RPAP2: variants seen among roughly 807,000 people sequenced by gnomAD.
The protein encoded by RPAP2 is putative RNA polymerase II subunit B1 CTD phosphatase RPAP2.
In RPAP2, 52 loss-of-function variants were observed where a neutral mutation model predicts 73.1. The observed-to-expected ratio is 0.71, with a 90% CI of 0.57 to 0.90. The LOEUF (loss-of-function observed/expected upper bound fraction) is 0.90, where lower values mean the gene tolerates loss of function less well. Ranked by LOEUF, RPAP2 falls within the 40% of genes least tolerant of loss-of-function variation. The pLI, the probability that RPAP2 is intolerant of heterozygous loss-of-function variation, is 0.00. For synonymous variants in RPAP2, 225 were observed against 242.1 expected (o/e 0.93, Z 0.65); for missense variants, 598 against 701.8 (o/e 0.85, Z 1.67).
chr1:92,386,376 G>A (rs965472767), intron 12 of RPAP2, among the ~76,000 whole-genome samples: 4 of 152,176 alleles, frequency 2.6e-5, no homozygotes, highest in African/African-American at 7.2e-5. Flanking sequence ...TGAGAGTCTT[G>A]AACTTCATCC....
At chr1:92,353,007 T>G (rs1654291785) in intron 11 of RPAP2, among the ~76,000 whole-genome samples, 1 of 152,264 alleles carries the variant, frequency 6.6e-6, no homozygotes, top group East Asian at 1.9e-4. Flanking sequence ...TCATCCATTT[T>G]GTAGCATGTA....
At chr1:92,306,101 A>G (rs1651213428) in intron 5 of RPAP2, among the ~76,000 whole-genome samples, 1 of 152,236 alleles carries the variant, frequency 6.6e-6, no homozygotes, top group Non-Finnish European at 1.5e-5. Flanking sequence ...TGAAGATAAT[A>G]TGCTAAGTGA....
At chr1:92,341,469 G>T (rs983823770) in intron 10 of RPAP2, among the ~76,000 whole-genome samples, 1 of 152,126 alleles carries the variant, frequency 6.6e-6, no homozygotes, top group Admixed American at 6.6e-5. Context: ...TTGCTAGTTT[G>T]CTACTGGAAG....
At chr1:92,355,646 C>A (rs1325749485) in intron 11 of RPAP2, among the ~76,000 whole-genome samples, 2 of 152,120 alleles carry the variant, frequency 1.3e-5, no homozygotes, top group Non-Finnish European at 2.9e-5. Context: ...CCCCAAGATG[C>A]CTTCTCTTTC....
At chr1:92,382,191 C>T (rs1018813773) in intron 12 of RPAP2, among the ~76,000 whole-genome samples, 43 of 152,088 alleles carry the variant, frequency 2.8e-4, no homozygotes, top group Non-Finnish European at 7.4e-5. Flanking sequence ...TAGGTTGGTT[C>T]CAAGTCTTTG....
At chr1:92,345,703 T>A (rs1268889152) in intron 10 of RPAP2, 143 bp from the exon 11 acceptor site, 4 of 581,770 alleles carry the variant, frequency 6.9e-6, no homozygotes, top group Non-Finnish European at 1.2e-5. Context: ...ATTATACTAT[T>A]GACTCTTTCC....
At chr1:92,371,319 AATATAT>A (rs1553155688) in intron 11 of RPAP2, among the ~76,000 whole-genome samples, 9 of 61,730 alleles carry the variant, frequency 1.5e-4, no homozygotes, top group African/African-American at 5.1e-4. Flanking sequence ...AAAAAAAAAA[AATATAT>A]ATATATATAT....
intron 5 of RPAP2, among the ~76,000 whole-genome samples, chr1:92,306,672 C>T (rs1651259253): frequency 6.6e-6 from 1 of 151,978 alleles, no homozygotes; most frequent in African/African-American, 2.4e-5. Flanking sequence ...ATAGAGACCC[C>T]ATCTCTACAA....
intron 6 of RPAP2, among the ~76,000 whole-genome samples, chr1:92,319,414 C>T (rs749551787): frequency 6.6e-6 from 1 of 152,082 alleles, no homozygotes; most frequent in African/African-American, 2.4e-5. Flanking sequence ...GTAGCTACAT[C>T]GTTGTTATGA....
chr1:92,332,812 A>G (rs1653053462), intron 8 of RPAP2, among the ~76,000 whole-genome samples: 2 of 152,138 alleles, frequency 1.3e-5, no homozygotes, highest in Non-Finnish European at 1.5e-5. Context: ...TCAATATCTA[A>G]TTAGAAAATT....
intron 11 of RPAP2, among the ~76,000 whole-genome samples, chr1:92,355,669 T>C (rs1315022972): frequency 6.6e-6 from 1 of 152,178 alleles, no homozygotes; most frequent in East Asian, 1.9e-4. Flanking sequence ...GTGCAGACTT[T>C]AGTTGACATT....
intron 5 of RPAP2, 152 bp from the exon 6 acceptor site, chr1:92,307,036 A>G: frequency 3.4e-6 from 2 of 587,244 alleles, no homozygotes; most frequent in Admixed American, 3.4e-5. Context: ...AGAGGCCTTC[A>G]AAGGTTCAGT....
intron 11 of RPAP2, among the ~76,000 whole-genome samples, chr1:92,353,467 C>CTTATG (rs1435384022): frequency 6.6e-6 from 1 of 152,094 alleles, no homozygotes; most frequent in Non-Finnish European, 1.5e-5. Flanking sequence ...ACATCAATTT[C>CTTATG]TTATGTTTTA....
Position 92,387,336 on chromosome 1 carries a change from A to C in RPAP2, c.*325A>C, listed in dbSNP as rs748688119. ...TATTCAAGAAAATATAATGATCTCT[A>C]CTTTTTCTGGATGATTTCCAGCCAT... On this transcript the variant is annotated 3_prime_UTR_variant, in exon 13 of 13. Transcript: ENST00000610020. 4.9e-5 allele frequency: 9 copies of C among 182,850 alleles called. No individual in the cohort carries two copies. The highest frequency in any genetic ancestry group is 1.0e-4 in the Non-Finnish European group (9 of 88,836). The allele number at this position is 182,850 out of a possible 1,614,324, so 11.3% of individuals were successfully genotyped here. A position where few individuals can be genotyped will look rare whatever the true frequency, so the allele number is the denominator to read the frequency against.
chr1:92,370,428 T>G (rs1161554516), intron 11 of RPAP2, among the ~76,000 whole-genome samples: 1 of 152,134 alleles, frequency 6.6e-6, no homozygotes, highest in South Asian at 2.1e-4. Flanking sequence ...TTCAAGAATA[T>G]GAAGGAATAA....
chr1:92,386,251 G>T (rs1439787947), intron 12 of RPAP2, among the ~76,000 whole-genome samples: 2 of 152,134 alleles, frequency 1.3e-5, no homozygotes, highest in Non-Finnish European at 2.9e-5. Context: ...ATTATACAAG[G>T]GCATGAATAC....
chr1:92,385,754 CAAACA>C (rs1655839299), intron 12 of RPAP2, among the ~76,000 whole-genome samples: 1 of 152,094 alleles, frequency 6.6e-6, no homozygotes, highest in Non-Finnish European at 1.5e-5. Flanking sequence ...AACAAACAAA[CAAACA>C]AAAAAGATGT....
At chr1:92,312,343 A>G (rs1651640354) in intron 6 of RPAP2, among the ~76,000 whole-genome samples, 1 of 151,986 alleles carries the variant, frequency 6.6e-6, no homozygotes, top group Non-Finnish European at 1.5e-5. Context: ...TCACTTGAGC[A>G]TAGGAGTTCA....
Position 92,391,355 on chromosome 1 carries a change from C to T in RPAP2, c.*4344C>T, listed in dbSNP as rs1255256404. 1 of 152,056 alleles carries T rather than the reference C, an allele frequency of 6.6e-6. No homozygotes were observed. Among genetic ancestry groups the T allele is most frequent in the East Asian group, 1.9e-4 (1 of 5,180 alleles). The allele number at this position is 152,056 out of a possible 1,614,324, so 9.4% of individuals were successfully genotyped here. A position where few individuals can be genotyped will look rare whatever the true frequency, so the allele number is the denominator to read the frequency against. On this transcript the variant is annotated 3_prime_UTR_variant, in exon 13 of 13. Transcript: ENST00000610020. Reference sequence around the variant, plus strand: ...CCAACGAGAACAAAGACACAATGTACCAGAATCTCTAGGACATGTTTAAAG... The same window carrying T: ...CCAACGAGAACAAAGACACAATGTATCAGAATCTCTAGGACATGTTTAAAG...
Sources: allele counts gnomAD v4.1 joint callset (sites outside exome capture counted in the v4.1 genomes callset), GRCh38; gene constraint gnomAD v4.1.1; transcripts MANE v1.5; gene names NCBI Gene and HGNC (gene_info 2026-07-23, HGNC 2026-07-21).